Variants in GPC5 observed in about 807,000 individuals in gnomAD.
GPC5 encodes the protein glypican-5.
A neutral mutation model predicts 53.9 loss-of-function variants in GPC5; 47 were observed. That is an observed-to-expected ratio of 0.87 (90% CI 0.69 to 1.11). GPC5 has a LOEUF of 1.11. Ranked by LOEUF, GPC5 falls within the 50% of genes most tolerant of loss-of-function variation. GPC5 has a pLI of 0.00. For missense variants in GPC5, 748 were observed against 713.1 expected (o/e 1.05, Z -0.56); for synonymous variants, 286 against 263.3 (o/e 1.09, Z -0.84).
At chr13:92,549,398 A>T (rs1006559484) in intron 7 of GPC5, among the ~76,000 whole-genome samples, 12 of 152,098 alleles carry the variant, frequency 7.9e-5, no homozygotes, top group African/African-American at 2.9e-4. Flanking sequence ...CTTTGGCTGA[A>T]GTTAATAATT....
chr13:92,803,233 T>G (rs899587566), intron 7 of GPC5, among the ~76,000 whole-genome samples: 2 of 151,930 alleles, frequency 1.3e-5, no homozygotes, highest in African/African-American at 4.8e-5. Context: ...ACTTTTGAAT[T>G]TATTTTAATC....
chr13:92,385,572 G>GCATATATACATATACA (rs1874637054), intron 7 of GPC5, among the ~76,000 whole-genome samples: 1 of 135,428 alleles, frequency 7.4e-6, no homozygotes, highest in East Asian at 2.1e-4. Context: ...ATACATATAC[G>GCATATATACATATACA]CATATATAAT....
At chr13:92,332,245 C>A (rs1448088967) in intron 7 of GPC5, among the ~76,000 whole-genome samples, 1 of 152,078 alleles carries the variant, frequency 6.6e-6, no homozygotes, top group East Asian at 1.9e-4. Flanking sequence ...TTGAATTTTG[C>A]TTGTGCCTTC....
chr13:92,057,454 A>G (rs761516088), intron 6 of GPC5, among the ~76,000 whole-genome samples: 2 of 152,176 alleles, frequency 1.3e-5, no homozygotes, highest in African/African-American at 2.4e-5. Flanking sequence ...TAAAACCCCT[A>G]AGTTCAGGGG....
chr13:91,435,499 C>T (rs1178165116), intron 1 of GPC5, among the ~76,000 whole-genome samples: 11 of 152,236 alleles, frequency 7.2e-5, no homozygotes, highest in Admixed American at 1.3e-4. Context: ...TATTGATTTG[C>T]GTATGTTGAA....
intron 7 of GPC5, among the ~76,000 whole-genome samples, chr13:92,269,255 T>C (rs2042823645): frequency 6.6e-6 from 1 of 152,308 alleles, no homozygotes; most frequent in Non-Finnish European, 1.5e-5. Context: ...TATACTTTCA[T>C]AACTAAATTG....
intron 6 of GPC5, among the ~76,000 whole-genome samples, chr13:92,064,497 C>A (rs1201750784): frequency 6.6e-6 from 1 of 152,136 alleles, no homozygotes; most frequent in East Asian, 1.9e-4. Context: ...GTGGCTCACG[C>A]CTGTAATCCC....
chr13:92,230,893 A>T (rs1449915434), intron 7 of GPC5, among the ~76,000 whole-genome samples: 1 of 152,218 alleles, frequency 6.6e-6, no homozygotes, highest in Non-Finnish European at 1.5e-5. Flanking sequence ...ATTAATTACC[A>T]TATAATTCAT....
chr13:92,611,659 C>T (rs1290203984), intron 7 of GPC5, among the ~76,000 whole-genome samples: 1 of 152,078 alleles, frequency 6.6e-6, no homozygotes, highest in African/African-American at 2.4e-5. Flanking sequence ...GGACTATGTC[C>T]TAGTTACAGG....
intron 7 of GPC5, among the ~76,000 whole-genome samples, chr13:92,234,056 C>T (rs61449262): frequency 0.032 from 4,811 of 152,236 alleles, 256 homozygotes; most frequent in African/African-American, 0.11. Flanking sequence ...TCCAGTCTAT[C>T]ATTGTTGGAC....
chr13:91,997,437 C>A (rs532620161), intron 6 of GPC5, among the ~76,000 whole-genome samples: 1 of 152,122 alleles, frequency 6.6e-6, no homozygotes, highest in Non-Finnish European at 1.5e-5. Flanking sequence ...CTTTCCATTC[C>A]AGACCAGTTC....
intron 7 of GPC5, among the ~76,000 whole-genome samples, chr13:92,834,058 G>C (rs1202731608): frequency 2.6e-5 from 4 of 152,072 alleles, no homozygotes; most frequent in African/African-American, 9.7e-5. Context: ...TCTGGATTAG[G>C]GTAATGGCAG....
chr13:91,484,540 A>C (rs1233450426), intron 2 of GPC5, among the ~76,000 whole-genome samples: 2 of 152,138 alleles, frequency 1.3e-5, no homozygotes, highest in African/African-American at 2.4e-5. Context: ...AATTACTTTG[A>C]AGACAATTAC....
chr13:92,338,400 T>C (rs1176501296), intron 7 of GPC5, among the ~76,000 whole-genome samples: 1 of 152,106 alleles, frequency 6.6e-6, no homozygotes, highest in Non-Finnish European at 1.5e-5. Flanking sequence ...TATACTCTTA[T>C]ATGTTCCAGC....
chr13:91,434,699 G>A (rs1337227983), intron 1 of GPC5, among the ~76,000 whole-genome samples: 1 of 152,178 alleles, frequency 6.6e-6, no homozygotes, highest in Non-Finnish European at 1.5e-5. Flanking sequence ...GAACTTTAAA[G>A]TAGTTTTTTT....
intron 6 of GPC5, among the ~76,000 whole-genome samples, chr13:91,993,264 C>T (rs1458580279): frequency 6.6e-6 from 1 of 152,110 alleles, no homozygotes; most frequent in Non-Finnish European, 1.5e-5. Context: ...GCCTCAAATC[C>T]TCTTTTAATT....
intron 7 of GPC5, among the ~76,000 whole-genome samples, chr13:92,821,894 G>A (rs1392516287): frequency 1.3e-5 from 2 of 151,996 alleles, no homozygotes; most frequent in Non-Finnish European, 2.9e-5. Context: ...CAGAGATTTT[G>A]TATTGCCCTT....
At chr13:92,832,618 C>T (rs1362445407) in intron 7 of GPC5, among the ~76,000 whole-genome samples, 1 of 152,140 alleles carries the variant, frequency 6.6e-6, no homozygotes, top group Non-Finnish European at 1.5e-5. Flanking sequence ...TTAGAACCTG[C>T]TCATTCCTCT....
intron 7 of GPC5, among the ~76,000 whole-genome samples, chr13:92,828,917 C>T (rs576348217): frequency 3.3e-5 from 5 of 152,194 alleles, no homozygotes; most frequent in South Asian, 2.1e-4. Context: ...GATGAATACA[C>T]GAAAAGCTTA....
Sources: allele counts gnomAD v4.1 joint callset (sites outside exome capture counted in the v4.1 genomes callset), GRCh38; gene constraint gnomAD v4.1.1; transcripts MANE v1.5; gene names NCBI Gene and HGNC (gene_info 2026-07-23, HGNC 2026-07-21).